Variants in TULP3 observed in about 807,000 individuals in gnomAD.
TULP3 encodes TUB like protein 3.
Under a neutral mutation model 50.7 loss-of-function variants are expected in TULP3, and 38 were observed. The observed-to-expected ratio is 0.75, with a 90% CI of 0.58 to 0.98. The LOEUF is 0.98. Ranked by LOEUF, TULP3 falls within the 50% of genes least tolerant of loss-of-function variation. The probability of loss-of-function intolerance (pLI) is 0.00; values close to 1 mark genes in which losing one functional copy is unlikely to be tolerated. For synonymous variants in TULP3, 183 were observed against 196.6 expected (o/e 0.93, Z 0.58); for missense variants, 550 against 568.0 (o/e 0.97, Z 0.32).
rs771074689 is a variant in TULP3, at chr12:2,937,200, A to ATTTTTTTTTTTTT, written c.925-412_925-400dup. Among the ~76,000 whole-genome samples, 13 of 54,446 alleles carry ATTTTTTTTTTTTT rather than the reference A, an allele frequency of 2.4e-4. 4 individuals are homozygous for ATTTTTTTTTTTTT. Among genetic ancestry groups the ATTTTTTTTTTTTT allele is most frequent in the African/African-American group, 4.5e-4 (6 of 13,430 alleles). The allele number at this position is 54,446 out of a possible 152,430, so 35.7% of individuals were successfully genotyped here. A position where few individuals can be genotyped will look rare whatever the true frequency, so the allele number is the denominator to read the frequency against. ...AATAAAATTATTTTTGGTACACCTG[A>ATTTTTTTTTTTTT]TTTTTTTTTTTTTTTTTTTTTTTTT... On this transcript the variant is annotated intron_variant, in intron 8 of 10. Coordinates refer to ENST00000448120, the MANE Select transcript of TULP3 (RefSeq NM_003324.5).
In TULP3 at chr12:2,928,209, A is replaced by C. The variant is rs574452328; in HGVS notation, c.395-2039A>C. 2.0e-4 allele frequency among the ~76,000 whole-genome samples: 30 copies of C among 152,382 alleles called. No individual in the cohort carries two copies. The South Asian group carries it at 6.2e-3, about 32-fold the overall frequency. ...ACTAGTATTTCAAACATTCCTAGTTAGATTTAGTTAACTAGACAGAGATTA... is the reference window on the plus strand; with the variant it reads ...ACTAGTATTTCAAACATTCCTAGTTCGATTTAGTTAACTAGACAGAGATTA... On this transcript the variant is annotated intron_variant, in intron 4 of 10. Coordinates refer to ENST00000448120, the MANE Select transcript of TULP3 (RefSeq NM_003324.5).
At chr12:2,911,557 G>A (rs1461660116) in intron 2 of TULP3, among the ~76,000 whole-genome samples, 1 of 150,782 alleles carries the variant, frequency 6.6e-6, no homozygotes, top group Non-Finnish European at 1.5e-5. Context: ...ACTAGAGATG[G>A]GGTTTCACTG....
At position 2,934,608 on chromosome 12, in the gene TULP3, G is replaced by A. The variant is rs1187020575; in HGVS notation, c.924+47G>A. The A allele has an allele frequency of 5.2e-6, 7 of 1,338,422 alleles. No individual in the cohort carries two copies. The African/African-American group carries it at 7.5e-5, about 14-fold the overall frequency. The allele number at this position is 1,338,422 out of a possible 1,614,324, so 82.9% of individuals were successfully genotyped here. Reference sequence around the variant, plus strand: ...CCGCTGCCTGCCCTCCTGGTGTCCTGCTGGCACTTTTCACCTAGTGTCGCT... The same window carrying A: ...CCGCTGCCTGCCCTCCTGGTGTCCTACTGGCACTTTTCACCTAGTGTCGCT... On this transcript the variant is annotated intron_variant, in intron 8 of 10. Transcript: ENST00000448120.
At chr12:2,920,718 A>C in intron 2 of TULP3, 45 bp from the exon 3 acceptor site, 1 of 1,607,026 alleles carries the variant, frequency 6.2e-7, no homozygotes, top group African/African-American at 1.3e-5. Context: ...TGGTTAGGTC[A>C]TGTCAAAACT....
intron 2 of TULP3, among the ~76,000 whole-genome samples, chr12:2,916,532 G>A (rs11062415): frequency 0.046 from 7,076 of 152,200 alleles, 551 homozygotes; most frequent in African/African-American, 0.16. Context: ...AAATCACGAA[G>A]GCAGTGTGTT....
rs773637550 is a variant in TULP3, at chr12:2,938,191, C to G, written c.1101C>G (p.Val367=). Residue 367 remains valine, a synonymous_variant, in exon 10 of 11, where the codon GTC becomes GTG. Coordinates refer to ENST00000448120, the MANE Select transcript of TULP3 (RefSeq NM_003324.5). ...TTGAGCTGCACAACAAGGCCCCCGT[C>G]TGGAACAGTGACACTCAGTCCTATG... ...NLVELHNKAP[V]WNSDTQSYVL... The G allele has an allele frequency of 7.4e-6, 12 of 1,614,080 alleles. No homozygotes were observed. The highest frequency in any genetic ancestry group is 1.0e-5 in the Non-Finnish European group (12 of 1,180,048).
chr12:2,922,229 C>T, intron 3 of TULP3, 33 bp from the exon 4 acceptor site: 1 of 1,602,472 alleles, frequency 6.2e-7, no homozygotes, highest in South Asian at 1.1e-5. Flanking sequence ...TACTTTGCTC[C>T]TTTTTTAAAA....
At chr12:2,895,720 T>G (rs1164123607) in intron 1 of TULP3, among the ~76,000 whole-genome samples, 1 of 152,212 alleles carries the variant, frequency 6.6e-6, no homozygotes, top group African/African-American at 2.4e-5. Context: ...ATGATGGGGA[T>G]GCATTCTGAG....
At position 2,940,335 on chromosome 12, in the gene TULP3, A is replaced by G; in HGVS notation, c.*891A>G. 1 of 1,462,052 alleles carries G rather than the reference A, an allele frequency of 6.8e-7. No individual in the cohort carries two copies. The highest frequency in any genetic ancestry group is 1.3e-5 in the South Asian group (1 of 74,430). 90.6% of individuals were successfully genotyped at this position (1,462,052 alleles called of 1,614,324 possible). A position where few individuals can be genotyped will look rare whatever the true frequency, so the allele number is the denominator to read the frequency against. ...TTTAGTTTAGTTAAAAAAAAAAAAA[A>G]AAAGGTGGCAGGAGAGGCTTTGGGG... On this transcript the variant is annotated 3_prime_UTR_variant, in exon 11 of 11. Transcript: ENST00000448120.
chr12:2,925,867 G>T (rs955240216), intron 4 of TULP3, among the ~76,000 whole-genome samples: 6 of 152,198 alleles, frequency 3.9e-5, no homozygotes, highest in Non-Finnish European at 8.8e-5. Context: ...CTGTCTCCTT[G>T]TGCACTGCTC....
chr12:2,933,671 C>G (rs1351058411), intron 7 of TULP3, 141 bp downstream of exon 7: 3 of 505,300 alleles, frequency 5.9e-6, no homozygotes, highest in Non-Finnish European at 1.0e-5. Context: ...AAAAAAAAAG[C>G]TGGGCGCAGT....
chr12:2,930,612 A>G (rs2098197419), intron 5 of TULP3, among the ~76,000 whole-genome samples: 1 of 151,980 alleles, frequency 6.6e-6, no homozygotes, highest in East Asian at 1.9e-4. Context: ...TTTAGTAGAG[A>G]CAGGGTTTCA....
intron 4 of TULP3, among the ~76,000 whole-genome samples, chr12:2,923,670 A>G (rs1325992519): frequency 2.7e-5 from 4 of 149,966 alleles, no homozygotes; most frequent in Non-Finnish European, 5.9e-5. Flanking sequence ...AAAAGAAAAG[A>G]AAAAGAAAGT....
In TULP3 at chr12:2,938,077, G is replaced by A. The variant is rs1487403075; in HGVS notation, c.1024-37G>A. The A allele has an allele frequency of 1.9e-6, 3 of 1,610,142 alleles. No individual in the cohort carries two copies. In the Admixed American group the frequency reaches 5.0e-5, roughly 27 times the overall value. On this transcript the variant is annotated intron_variant, in intron 9 of 10. Coordinates refer to ENST00000448120, the MANE Select transcript of TULP3 (RefSeq NM_003324.5). ...CTACCTTCTACCTCGTAGAGTTGGA[G>A]TTCTCAGTACAAAGTAATGATTTTC...
intron 1 of TULP3, among the ~76,000 whole-genome samples, chr12:2,903,680 T>C (rs2098180541): frequency 6.6e-6 from 1 of 152,210 alleles, no homozygotes; most frequent in Non-Finnish European, 1.5e-5. Flanking sequence ...TATACCTGAT[T>C]TTAAAAAATC....
intron 1 of TULP3, among the ~76,000 whole-genome samples, chr12:2,903,972 C>G (rs10848729): frequency 6.6e-6 from 1 of 151,704 alleles, no homozygotes. Flanking sequence ...TTAGCAGAGA[C>G]GGGGTTTCAC....
intron 2 of TULP3, among the ~76,000 whole-genome samples, chr12:2,919,375 C>T (rs960149221): frequency 1.6e-4 from 25 of 152,126 alleles, no homozygotes; most frequent in Non-Finnish European, 2.4e-4. Flanking sequence ...TGTATTGGCA[C>T]GTTATCTTAA....
chr12:2,929,444 GAC>G (rs2098196623), intron 4 of TULP3, among the ~76,000 whole-genome samples: 1 of 152,166 alleles, frequency 6.6e-6, no homozygotes, highest in South Asian at 2.1e-4. Flanking sequence ...TAGGACTACA[GAC>G]ACACAGGTAC....
chr12:2,940,536 T>C lies in TULP3; in HGVS notation c.*1092T>C. ...ACCAGTTCACCCTTCCCAGAATGTA[T>C]CCAAACCTTGAGAATGCAGGAGCTC... is the stretch of plus-strand genomic sequence containing the variant. On this transcript the variant is annotated 3_prime_UTR_variant, in exon 11 of 11. Coordinates refer to ENST00000448120, the MANE Select transcript of TULP3 (RefSeq NM_003324.5). The C allele has an allele frequency of 1.3e-6, 2 of 1,549,632 alleles. No individual in the cohort carries two copies. Among genetic ancestry groups the C allele is most frequent in the South Asian group, 1.2e-5 (1 of 83,758 alleles).
Sources: gnomAD v4.1 joint callset for allele counts (sites outside exome capture counted in the v4.1 genomes callset) on GRCh38, gnomAD v4.1.1 for gene constraint, MANE v1.5 for transcripts, NCBI Gene and HGNC (gene_info 2026-07-23, HGNC 2026-07-21) for gene names.